The following NUMB variants were observed in gnomAD, a reference collection of about 807,000 sequenced individuals.
NUMB encodes the protein NUMB endocytic adaptor protein.
In NUMB, 29 loss-of-function variants were observed where a neutral mutation model predicts 59.7. That is an observed-to-expected ratio of 0.49 (90% confidence interval 0.36 to 0.66). The LOEUF is 0.66. NUMB is among the 30% of genes least tolerant of loss of function. The pLI is 0.00. For missense variants in NUMB, 723 were observed against 822.0 expected (o/e 0.88, Z 1.47); for synonymous variants, 288 against 288.2 (o/e 1.00, Z 0.01).
At chr14:73,372,321 A>ATATATATATATATATATATAACCTTT (rs1894732226) in intron 2 of NUMB, among the ~76,000 whole-genome samples, 1 of 108,878 alleles carries the variant, frequency 9.2e-6, no homozygotes, top group Non-Finnish European at 1.8e-5. Flanking sequence ...ATATATATAT[A>ATATATATATATATATATATAACCTTT]TATATATATA....
chr14:73,362,773 A>T (rs544989009), intron 3 of NUMB, among the ~76,000 whole-genome samples: 1 of 152,232 alleles, frequency 6.6e-6, no homozygotes, highest in South Asian at 2.1e-4. Context: ...GCCTTCCAAG[A>T]ACCTCAGCAA....
chr14:73,299,704 A>C (rs575546661), intron 6 of NUMB, among the ~76,000 whole-genome samples: 2 of 152,238 alleles, frequency 1.3e-5, no homozygotes, highest in South Asian at 4.1e-4. Context: ...TGGGTCGAGA[A>C]GTAAATGAAA....
chr14:73,429,884 G>A (rs1897749716), intron 1 of NUMB, among the ~76,000 whole-genome samples: 1 of 151,426 alleles, frequency 6.6e-6, no homozygotes, highest in Non-Finnish European at 1.5e-5. Context: ...GGCAGAGGTT[G>A]TAATGAGCCG....
intron 1 of NUMB, among the ~76,000 whole-genome samples, chr14:73,455,926 A>G (rs571227790): frequency 2.1e-4 from 32 of 152,300 alleles, no homozygotes; most frequent in Non-Finnish European, 4.6e-4. Flanking sequence ...AAAAGCGGAC[A>G]ACATCTGAGA....
intron 3 of NUMB, among the ~76,000 whole-genome samples, chr14:73,366,609 C>T (rs1421091562): frequency 6.6e-6 from 1 of 152,142 alleles, no homozygotes; most frequent in Non-Finnish European, 1.5e-5. Flanking sequence ...AGTTAAGTAA[C>T]TTTCCCAATG....
intron 1 of NUMB, among the ~76,000 whole-genome samples, chr14:73,414,728 G>A (rs533216810): frequency 2.2e-4 from 33 of 152,026 alleles, no homozygotes; most frequent in Admixed American, 9.8e-4. Context: ...GTGCGGGGGG[G>A]GCGGGTTTTG....
At chr14:73,328,544 C>A in intron 4 of NUMB, among the ~76,000 whole-genome samples, 1 of 152,160 alleles carries the variant, frequency 6.6e-6, no homozygotes, top group East Asian at 1.9e-4. Context: ...TTCCCACCTG[C>A]AATGTATGAG....
chr14:73,367,346 T>TAGAGAGAGAGAGAGAGAGAGAGAG (rs1288750867), intron 2 of NUMB, among the ~76,000 whole-genome samples: 4 of 91,248 alleles, frequency 4.4e-5, no homozygotes, highest in African/African-American at 6.6e-5. Flanking sequence ...TATATATATA[T>TAGAGAGAGAGAGAGAGAGAGAGAG]ATAGAGAGAG....
intron 2 of NUMB, among the ~76,000 whole-genome samples, chr14:73,385,308 C>CTTTTTTTTTTT (rs1174960370): frequency 2.4e-4 from 27 of 112,292 alleles, no homozygotes; most frequent in Non-Finnish European, 3.1e-4. Context: ...CCAGTTAATT[C>CTTTTTTTTTTT]TTTTTTTTTT....
intron 12 of NUMB, among the ~76,000 whole-genome samples, chr14:73,278,874 C>T (rs1360645690): frequency 1.3e-5 from 2 of 151,914 alleles, no homozygotes; most frequent in Non-Finnish European, 2.9e-5. Flanking sequence ...ACTATATGCG[C>T]ATGCCACCGC....
In NUMB at chr14:73,367,348, T is replaced by TAGAGAGAGAGAG. The variant is rs71112740; in HGVS notation, c.-100-379_-100-368dup. Among the ~76,000 whole-genome samples the TAGAGAGAGAGAG allele has an allele frequency of 5.7e-3, 597 of 105,256 alleles. 8 individuals carry two copies. Among genetic ancestry groups the TAGAGAGAGAGAG allele is most frequent in the African/African-American group, 0.017 (338 of 19,950 alleles). 69.1% of individuals were successfully genotyped at this position (105,256 alleles called of 152,430 possible). A position where few individuals can be genotyped will look rare whatever the true frequency, so the allele number is the denominator to read the frequency against. ...ATATATACATATATATATATATATATAGAGAGAGAGAGAGAGAGAGAGAGA... is the reference window on the plus strand; with the variant it reads ...ATATATACATATATATATATATATATAGAGAGAGAGAGAGAGAGAGAGAGAGAGAGAGAGAGA... On this transcript the variant is annotated intron_variant, in intron 2 of 12. Transcript: ENST00000555238.
At position 73,287,329 on chromosome 14, in the gene NUMB, T is replaced by C. The variant is rs772508859; in HGVS notation, c.451-15A>G. On this transcript the variant is annotated splice_polypyrimidine_tract_variant and intron_variant, in intron 8 of 12. Coordinates refer to ENST00000555238, the MANE Select transcript of NUMB (RefSeq NM_001005743.2). ...AACCTTTCACCCTGTAAGAGCAGAT[T>C]TTAAAAGCTTTTCAGAATTACACTA... 1 of 1,590,314 alleles carries C rather than the reference T, an allele frequency of 6.3e-7. No individual in the cohort carries two copies. Among genetic ancestry groups the C allele is most frequent in the South Asian group, 1.1e-5 (1 of 89,792 alleles).
intron 1 of NUMB, among the ~76,000 whole-genome samples, chr14:73,435,416 G>A (rs952734233): frequency 4.6e-5 from 7 of 151,570 alleles, no homozygotes; most frequent in Admixed American, 1.3e-4. Context: ...TGGGACTACA[G>A]GCGCCCGCCA....
chr14:73,308,445 T>C (rs1354987516), intron 6 of NUMB, among the ~76,000 whole-genome samples: 1 of 152,166 alleles, frequency 6.6e-6, no homozygotes, highest in Non-Finnish European at 1.5e-5. Flanking sequence ...TTAATAATGA[T>C]GATATTGACA....
In NUMB at chr14:73,335,536, G is replaced by T. The variant is rs572246182; in HGVS notation, c.127-12332C>A. ...TTAATGGCTAAAATATTTGACACTG[G>T]GACTTCTTTTGTTTGTATGCCTTTT... On this transcript the variant is annotated intron_variant, in intron 4 of 12. Coordinates refer to ENST00000555238, the MANE Select transcript of NUMB (RefSeq NM_001005743.2). Among the ~76,000 whole-genome samples the T allele has an allele frequency of 9.9e-5, 15 of 152,080 alleles. No individual in the cohort carries two copies. The East Asian group carries it at 2.7e-3, about 27-fold the overall frequency.
At chr14:73,442,870 TTTC>T (rs1413076089) in intron 1 of NUMB, among the ~76,000 whole-genome samples, 1 of 152,150 alleles carries the variant, frequency 6.6e-6, no homozygotes, top group African/African-American at 2.4e-5. Context: ...TTTACTTTTT[TTTC>T]TTTTTTTGAG....
chr14:73,293,454 C>T (rs1346407224), intron 7 of NUMB, among the ~76,000 whole-genome samples: 4 of 143,980 alleles, frequency 2.8e-5, no homozygotes, highest in Non-Finnish European at 4.5e-5. Context: ...TGCAGTGGCG[C>T]GATCTTGGCT....
At chr14:73,365,954 A>C (rs931278613) in intron 3 of NUMB, among the ~76,000 whole-genome samples, 1 of 152,216 alleles carries the variant, frequency 6.6e-6, no homozygotes, top group African/African-American at 2.4e-5. Context: ...CACCATAGTG[A>C]AAGTTCTAAT....
In NUMB at chr14:73,361,402, C is replaced by T. The variant is rs544019460; in HGVS notation, c.-16+5495G>A. ...TTCACTAATATAAATATGTCAAAGC[C>T]TGTGCTATGATTATACATAGATTCT... On this transcript the variant is annotated intron_variant, in intron 3 of 12. Transcript: ENST00000555238. 4.3e-4 allele frequency among the ~76,000 whole-genome samples: 66 copies of T among 152,166 alleles called. 1 individual carries two copies. The highest frequency in any genetic ancestry group is 6.8e-3 in the Middle Eastern group (2 of 294).
Sources: gnomAD v4.1 joint callset for allele counts (sites outside exome capture counted in the v4.1 genomes callset) on GRCh38, gnomAD v4.1.1 for gene constraint, MANE v1.5 for transcripts, NCBI Gene and HGNC (gene_info 2026-07-23, HGNC 2026-07-21) for gene names.